The following VTI1A variants were observed in gnomAD, a reference collection of about 807,000 sequenced individuals.
The protein encoded by VTI1A is vesicle transport through interaction with t-SNAREs 1A.
VTI1A carries 22 observed loss-of-function variants against 34.9 expected under a neutral mutation model. The observed-to-expected ratio is 0.63, with a 90% CI of 0.45 to 0.90. VTI1A has a LOEUF of 0.90. Ranked by LOEUF, VTI1A falls within the 40% of genes least tolerant of loss-of-function variation. The pLI is 0.00. For synonymous variants in VTI1A, 87 were observed against 97.3 expected (o/e 0.89, Z 0.62); for missense variants, 268 against 275.6 (o/e 0.97, Z 0.20).
At chr10:112,525,863 C>A (rs1016705355) in intron 3 of VTI1A, among the ~76,000 whole-genome samples, 6 of 152,174 alleles carry the variant, frequency 3.9e-5, no homozygotes, top group Non-Finnish European at 7.3e-5. Flanking sequence ...TGTGGTCAAG[C>A]AGTGTCGCTT....
intron 7 of VTI1A, among the ~76,000 whole-genome samples, chr10:112,797,666 A>G (rs79949880): frequency 0.013 from 2,031 of 151,782 alleles, 52 homozygotes; most frequent in African/African-American, 0.046. Context: ...AGGCAGAATC[A>G]TTAAAGTAGC....
chr10:112,780,944 C>T (rs1024418172), intron 7 of VTI1A, among the ~76,000 whole-genome samples: 3 of 152,108 alleles, frequency 2.0e-5, no homozygotes, highest in African/African-American at 7.2e-5. Context: ...AGTTTTTAAC[C>T]TAGCGCATTC....
At chr10:112,837,098 G>A in the VTI1A span, among the ~76,000 whole-genome samples, 8 of 152,264 alleles carry the variant, frequency 5.3e-5, no homozygotes, top group East Asian at 1.9e-4. Context: ...CGAGGCAGGC[G>A]GATCACGAGG....
At position 112,815,346 on chromosome 10, in the gene VTI1A, T is replaced by C. The variant is rs368311934; in HGVS notation, c.617T>C (p.Ile206Thr). The stretch of plus-strand genomic sequence containing the variant: ...CTAGGGATCATCGTGGTCATCACCA[T>C]CCTGATGGCGATCACTTTTTCTGTC... ...VILGIIVVIT[I>T]LMAITFSVRR... The change falls in exon 8 of 8, where the codon ATC becomes ACC. Residue 206 changes from isoleucine to threonine, a missense_variant. Ile to Thr is a moderately conservative substitution (Grantham distance 89, BLOSUM62 -1). Transcript: ENST00000393077. 50 of 1,614,002 alleles carry C rather than the reference T, an allele frequency of 3.1e-5. No homozygotes were observed. The highest frequency in any genetic ancestry group is 3.9e-5 in the Non-Finnish European group (46 of 1,180,028).
intron 7 of VTI1A, among the ~76,000 whole-genome samples, chr10:112,715,195 C>T (rs1203330932): frequency 6.6e-6 from 1 of 152,078 alleles, no homozygotes; most frequent in East Asian, 1.9e-4. Context: ...TCTCCCTAAT[C>T]TTACAAAATA....
At chr10:112,577,004 T>A (rs1162052158) in intron 5 of VTI1A, among the ~76,000 whole-genome samples, 1 of 152,222 alleles carries the variant, frequency 6.6e-6, no homozygotes, top group Non-Finnish European at 1.5e-5. Context: ...TTATAATCCG[T>A]CTATAAGGTC....
chr10:112,596,741 A>G (rs1246543603), intron 5 of VTI1A, among the ~76,000 whole-genome samples: 7 of 152,100 alleles, frequency 4.6e-5, no homozygotes, highest in Admixed American at 3.3e-4. Flanking sequence ...TAAGGCTGAT[A>G]ATTTCTCTTA....
chr10:112,518,651 G>GTGTA (rs566564876), intron 3 of VTI1A, among the ~76,000 whole-genome samples: 3 of 134,122 alleles, frequency 2.2e-5, no homozygotes, highest in South Asian at 4.9e-4. Context: ...GTATATACGT[G>GTGTA]TATATATATA....
chr10:112,560,175 A>C (rs1190307305), intron 5 of VTI1A, among the ~76,000 whole-genome samples: 1 of 152,342 alleles, frequency 6.6e-6, no homozygotes, highest in East Asian at 1.9e-4. Context: ...AAGATTTTCT[A>C]TTCAGGATTC....
intron 5 of VTI1A, among the ~76,000 whole-genome samples, chr10:112,542,565 A>G (rs1850909047): frequency 6.6e-6 from 1 of 152,150 alleles, no homozygotes; most frequent in African/African-American, 2.4e-5. Flanking sequence ...CACGAAGAAG[A>G]GGTGCTCGAG....
At chr10:112,695,167 G>A (rs1371848969) in intron 7 of VTI1A, among the ~76,000 whole-genome samples, 4 of 152,010 alleles carry the variant, frequency 2.6e-5, no homozygotes, top group Non-Finnish European at 1.5e-5. Context: ...TCTTACCATA[G>A]TACCTACCTT....
chr10:112,578,593 C>A (rs893365442), intron 5 of VTI1A, among the ~76,000 whole-genome samples: 2 of 152,142 alleles, frequency 1.3e-5, no homozygotes, highest in South Asian at 2.1e-4. Flanking sequence ...TCATTTAAAT[C>A]TATATATTTC....
chr10:112,800,213 G>T (rs1852828860), intron 7 of VTI1A, among the ~76,000 whole-genome samples: 1 of 152,224 alleles, frequency 6.6e-6, no homozygotes, highest in Non-Finnish European at 1.5e-5. Context: ...AGGCATCTTG[G>T]CCGTCAACGA....
chr10:112,465,698 G>T (rs891165076), intron 3 of VTI1A, among the ~76,000 whole-genome samples: 2 of 152,148 alleles, frequency 1.3e-5, no homozygotes, highest in Non-Finnish European at 2.9e-5. Context: ...AGTTACCGGG[G>T]ACTTGAGGGG....
At chr10:112,803,890 C>A (rs986721642) in intron 7 of VTI1A, among the ~76,000 whole-genome samples, 3 of 152,216 alleles carry the variant, frequency 2.0e-5, no homozygotes, top group Non-Finnish European at 2.9e-5. Context: ...TTATTTAATT[C>A]TCTTCAAGTT....
intron 3 of VTI1A, among the ~76,000 whole-genome samples, chr10:112,469,365 GT>G (rs1848004303): frequency 6.6e-6 from 1 of 151,906 alleles, no homozygotes; most frequent in African/African-American, 2.4e-5. Context: ...CTGTACATCT[GT>G]TCATGTACTA....
At chr10:112,751,243 A>G (rs1851091581) in intron 7 of VTI1A, among the ~76,000 whole-genome samples, 1 of 152,184 alleles carries the variant, frequency 6.6e-6, no homozygotes, top group Non-Finnish European at 1.5e-5. Flanking sequence ...AAGATTATGT[A>G]AGGGTTGAAG....
In VTI1A at chr10:112,719,110, G is replaced by A. The variant is rs1160079789; in HGVS notation, c.560+50112G>A. Among the ~76,000 whole-genome samples, 3 of 152,172 alleles carry A rather than the reference G, an allele frequency of 2.0e-5. 1 individual carries two copies. Among genetic ancestry groups the A allele is most frequent in the Admixed American group, 6.5e-5 (1 of 15,276 alleles). On this transcript the variant is annotated intron_variant, in intron 7 of 7. Coordinates refer to ENST00000393077, the MANE Select transcript of VTI1A (RefSeq NM_145206.4). ...AGAAGGAAAGACTTTTATCTTTCAC[G>A]ATGAAATACATTTTCTCATTCAAAC...
chr10:112,695,912 T>A (rs532991386), intron 7 of VTI1A, among the ~76,000 whole-genome samples: 24 of 152,150 alleles, frequency 1.6e-4, no homozygotes, highest in Non-Finnish European at 3.2e-4. Context: ...CTCTGAAAAG[T>A]TAGATGAAAC....
Sources: allele counts gnomAD v4.1 joint callset (sites outside exome capture counted in the v4.1 genomes callset), GRCh38; gene constraint gnomAD v4.1.1; transcripts MANE v1.5; gene names NCBI Gene and HGNC (gene_info 2026-07-23, HGNC 2026-07-21).